Variants in CSMD1 observed in about 807,000 individuals in gnomAD.
CSMD1 encodes the protein CUB and sushi domain-containing protein 1.
Under a neutral mutation model 417.5 loss-of-function variants are expected in CSMD1, and 213 were observed. The observed-to-expected ratio is 0.51, with a 90% CI of 0.46 to 0.57. The LOEUF (loss-of-function observed/expected upper bound fraction) is 0.57. Ranked by LOEUF, CSMD1 falls within the 20% of genes least tolerant of loss-of-function variation. The pLI is 0.00. For synonymous variants in CSMD1, 2,862 were observed against 1,736.8 expected, an observed-to-expected ratio of 1.65 and a Z score of -16.11; for missense variants, 6,923 against 4,529.7, an observed-to-expected ratio of 1.53 and a Z score of -15.17.
chr8:3,997,863 CA>C, intron 5 of CSMD1, 39 bp downstream of exon 5: 1 of 1,556,816 alleles, frequency 6.4e-7, no homozygotes, highest in Non-Finnish European at 8.8e-7. Flanking sequence ...ACGGGGAAAA[CA>C]CACCTGTATC....
chr8:4,040,502 T>C (rs943374695), intron 3 of CSMD1, among the ~76,000 whole-genome samples: 6 of 152,312 alleles, frequency 3.9e-5, no homozygotes, highest in African/African-American at 1.4e-4. Context: ...AAAAACTCTT[T>C]CATATGAAAA....
chr8:4,226,670 T>C (rs949297882), intron 3 of CSMD1, among the ~76,000 whole-genome samples: 8 of 152,172 alleles, frequency 5.3e-5, no homozygotes, highest in African/African-American at 1.9e-4. Flanking sequence ...TAGAAATTAG[T>C]AAATGTATTC....
intron 3 of CSMD1, among the ~76,000 whole-genome samples, chr8:4,215,541 T>C (rs906986586): frequency 6.6e-6 from 1 of 151,990 alleles, no homozygotes; most frequent in Non-Finnish European, 1.5e-5. Flanking sequence ...CAGGATCCTT[T>C]ACATTGTTCT....
At chr8:4,381,272 A>G (rs573328942) in intron 3 of CSMD1, among the ~76,000 whole-genome samples, 41 of 152,284 alleles carry the variant, frequency 2.7e-4, no homozygotes, top group African/African-American at 9.9e-4. Flanking sequence ...AGGCGTCAAA[A>G]CAGCCTTCCA....
At chr8:4,626,536 GC>G (rs1297888416) in intron 2 of CSMD1, among the ~76,000 whole-genome samples, 3 of 152,042 alleles carry the variant, frequency 2.0e-5, no homozygotes, top group Non-Finnish European at 4.4e-5. Context: ...TGATCTTAAA[GC>G]GGTTGTAAGA....
At chr8:3,641,883 G>C (rs533541441) in intron 7 of CSMD1, among the ~76,000 whole-genome samples, 1 of 152,248 alleles carries the variant, frequency 6.6e-6, no homozygotes, top group South Asian at 2.1e-4. Context: ...ATAAGGTTTC[G>C]CTACATAGGC....
chr8:4,100,934 T>G (rs1048478637), intron 3 of CSMD1, among the ~76,000 whole-genome samples: 3 of 152,212 alleles, frequency 2.0e-5, no homozygotes, highest in Non-Finnish European at 2.9e-5. Context: ...GTGGAAATGC[T>G]AAGAACCCAG....
chr8:3,740,610 G>C (rs1169890774), intron 6 of CSMD1, among the ~76,000 whole-genome samples: 2 of 152,148 alleles, frequency 1.3e-5, no homozygotes, highest in Admixed American at 6.5e-5. Flanking sequence ...GGCTGAGGTA[G>C]TGTGATTTGA....
chr8:4,252,837 A>T (rs936045755), intron 3 of CSMD1, among the ~76,000 whole-genome samples: 2 of 152,200 alleles, frequency 1.3e-5, no homozygotes, highest in Non-Finnish European at 2.9e-5. Context: ...TGATGACTGG[A>T]GTTGCAGCAG....
chr8:3,337,804 A>T (rs943241815), intron 23 of CSMD1, among the ~76,000 whole-genome samples: 1 of 152,208 alleles, frequency 6.6e-6, no homozygotes, highest in Non-Finnish European at 1.5e-5. Context: ...ATGAGTCATT[A>T]AACAAAAGTA....
chr8:4,850,912 C>A, intron 1 of CSMD1, among the ~76,000 whole-genome samples: 1 of 147,518 alleles, frequency 6.8e-6, no homozygotes, highest in East Asian at 2.0e-4. Flanking sequence ...CCTTGCCCCC[C>A]CACTTTTTGT....
At chr8:3,187,064 G>C (rs1821809252) in intron 36 of CSMD1, among the ~76,000 whole-genome samples, 1 of 152,190 alleles carries the variant, frequency 6.6e-6, no homozygotes, top group South Asian at 2.1e-4. Context: ...ATAAAATTAA[G>C]CATTCATGTT....
intron 2 of CSMD1, among the ~76,000 whole-genome samples, chr8:4,501,750 C>T (rs1802269007): frequency 1.3e-5 from 2 of 152,110 alleles, no homozygotes; most frequent in Admixed American, 6.6e-5. Flanking sequence ...CTCATGGTTG[C>T]AGTAGTGCAG....
intron 5 of CSMD1, among the ~76,000 whole-genome samples, chr8:3,962,384 G>C (rs917287996): frequency 6.6e-6 from 1 of 152,160 alleles, no homozygotes; most frequent in Admixed American, 6.5e-5. Flanking sequence ...CAGCACGGGC[G>C]TTGTCACCAC....
chr8:3,262,987 A>G (rs1359025178), intron 26 of CSMD1, among the ~76,000 whole-genome samples: 4 of 152,244 alleles, frequency 2.6e-5, no homozygotes, highest in Non-Finnish European at 5.9e-5. Context: ...TATTATGGAC[A>G]TTACAGTTAT....
intron 2 of CSMD1, among the ~76,000 whole-genome samples, chr8:4,622,157 A>G (rs1801818067): frequency 6.7e-6 from 1 of 148,718 alleles, no homozygotes; most frequent in Middle Eastern, 3.2e-3. Context: ...AAACGCAAAG[A>G]GGGGTAAAGA....
chr8:4,211,860 C>T (rs996142337), intron 3 of CSMD1, among the ~76,000 whole-genome samples: 1 of 152,134 alleles, frequency 6.6e-6, no homozygotes, highest in Non-Finnish European at 1.5e-5. Flanking sequence ...CACTAACTTG[C>T]TTTAATAACC....
At chr8:4,200,914 A>G (rs190162328) in intron 3 of CSMD1, among the ~76,000 whole-genome samples, 7 of 152,362 alleles carry the variant, frequency 4.6e-5, no homozygotes, top group African/African-American at 1.4e-4. Flanking sequence ...GCTAGTTTAA[A>G]GTATATGCAT....
intron 1 of CSMD1, among the ~76,000 whole-genome samples, chr8:4,818,500 C>T (rs949316495): frequency 2.0e-5 from 3 of 152,124 alleles, no homozygotes; most frequent in East Asian, 1.9e-4. Flanking sequence ...GTTTAGCATA[C>T]ATTAAATACA....
Sources: allele counts gnomAD v4.1 joint callset (sites outside exome capture counted in the v4.1 genomes callset), GRCh38; gene constraint gnomAD v4.1.1; transcripts MANE v1.5; gene names NCBI Gene and HGNC (gene_info 2026-07-23, HGNC 2026-07-21).